The following TDRD1 variants were observed in gnomAD, a reference collection of about 807,000 sequenced individuals.
TDRD1 encodes tudor domain-containing protein 1.
A neutral mutation model predicts 140.6 loss-of-function variants in TDRD1; 37 were observed. The ratio of observed to expected loss-of-function variants is 0.26; its 90% CI spans 0.20 to 0.35. The LOEUF is 0.35. Among genes scored for constraint, TDRD1 ranks in the 10% least tolerant of loss-of-function variants. TDRD1 has a pLI of 1.00. For synonymous variants in TDRD1, 506 were observed against 475.7 expected (o/e 1.06, Z -0.83); for missense variants, 1,243 against 1,393.0 (o/e 0.89, Z 1.71).
chr10:114,203,007 T>A (rs2034861379), intron 6 of TDRD1, 65 bp from the exon 7 acceptor site: 1 of 1,029,912 alleles, frequency 9.7e-7, no homozygotes. Flanking sequence ...CGACGTGTAG[T>A]GGCCATAGAA....
chr10:114,221,236 G>T, intron 19 of TDRD1, 121 bp from the exon 20 acceptor site: 1 of 1,032,100 alleles, frequency 9.7e-7, no homozygotes, highest in East Asian at 2.6e-5. Flanking sequence ...TTTTTATTTT[G>T]GGGATTTGGA....
intron 11 of TDRD1, among the ~76,000 whole-genome samples, chr10:114,208,231 T>C (rs777996826): frequency 1.6e-4 from 25 of 152,254 alleles, no homozygotes; most frequent in Non-Finnish European, 3.1e-4. Flanking sequence ...GCAGGAGCTG[T>C]GTTAAGGGGT....
chr10:114,227,917 G>A (rs777462388), exon 24 of TDRD1: 1 of 1,613,478 alleles, frequency 6.2e-7, no homozygotes, highest in Admixed American at 1.7e-5. Flanking sequence ...TAGAAAAGAT[G>A]TATAGGATGA....
rs191057687 is a variant in TDRD1 at position 114,216,741 on chromosome 10, A to G, written c.2213-804A>G. ...GTGTTCTTCAGAGGCCAGCCAAACAATCCCCCAGCAGCAGAGTGTATCATT... is the reference window on the plus strand; with the variant it reads ...GTGTTCTTCAGAGGCCAGCCAAACAGTCCCCCAGCAGCAGAGTGTATCATT... On this transcript the variant is annotated intron_variant, in intron 16 of 25. Transcript: ENST00000251864. 6.9e-4 allele frequency among the ~76,000 whole-genome samples: 105 copies of G among 152,326 alleles called. 1 individual carries two copies. Among genetic ancestry groups the G allele is most frequent in the African/African-American group, 2.4e-3 (100 of 41,576 alleles).
intron 25 of TDRD1, among the ~76,000 whole-genome samples, chr10:114,230,110 C>T (rs914696695): frequency 2.6e-5 from 4 of 152,208 alleles, no homozygotes; most frequent in African/African-American, 7.2e-5. Context: ...GGATTACAGG[C>T]GTGAGCCACT....
intron 21 of TDRD1, among the ~76,000 whole-genome samples, chr10:114,223,147 TATAA>T (rs1435056197): frequency 2.0e-5 from 3 of 152,224 alleles, no homozygotes; most frequent in African/African-American, 7.2e-5. Flanking sequence ...CGTATGCTAA[TATAA>T]ATAACACTTG....
chr10:114,220,952 C>T (rs1031704448), intron 19 of TDRD1, 109 bp downstream of exon 19: 22 of 689,792 alleles, frequency 3.2e-5, no homozygotes, highest in Middle Eastern at 4.0e-4. Context: ...ATATGCTTTA[C>T]GGACATAGAT....
At chr10:114,203,679 C>G in intron 8 of TDRD1, 112 bp downstream of exon 8, 1 of 948,782 alleles carries the variant, frequency 1.1e-6, no homozygotes, top group Non-Finnish European at 1.5e-6. Flanking sequence ...AGCCTCTGAT[C>G]ACGCTTCTAT....
intron 22 of TDRD1, 103 bp downstream of exon 22, chr10:114,226,319 C>T (rs1319739492): frequency 2.8e-6 from 2 of 714,440 alleles, no homozygotes; most frequent in Admixed American, 3.1e-5. Flanking sequence ...TTTCCAGTAA[C>T]TGCCTTAATG....
At chr10:114,216,170 A>G (rs936123273) in intron 16 of TDRD1, among the ~76,000 whole-genome samples, 2 of 152,238 alleles carry the variant, frequency 1.3e-5, no homozygotes, top group African/African-American at 4.8e-5. Context: ...CAAAGAGACC[A>G]ACAGTGGTAT....
At chr10:114,175,295 T>C (rs933597066), upstream of TDRD1, among the ~76,000 whole-genome samples, 1 of 152,184 alleles carries the variant, frequency 6.6e-6, no homozygotes, top group African/African-American at 2.4e-5. Context: ...ATAACATAGG[T>C]ATTACTATTT....
chr10:114,220,727 G>A, exon 19 of TDRD1: 1 of 1,613,252 alleles, frequency 6.2e-7, no homozygotes, highest in Non-Finnish European at 8.5e-7. Flanking sequence ...AGAATAATTA[G>A]TGATGTTCTG....
intron 1 of TDRD1, among the ~76,000 whole-genome samples, chr10:114,185,609 C>T (rs139360833): frequency 0.012 from 1,864 of 152,036 alleles, 37 homozygotes; most frequent in African/African-American, 0.041. Context: ...TATTTCAAGG[C>T]GGAGTTTTGC....
At chr10:114,201,580 CA>C (rs1212130536) in intron 5 of TDRD1, 65 bp downstream of exon 5, 1 of 1,377,978 alleles carries the variant, frequency 7.3e-7, no homozygotes, top group African/African-American at 1.4e-5. Flanking sequence ...AATAAGCGTC[CA>C]ATTAGTTAAG....
intron 2 of TDRD1, among the ~76,000 whole-genome samples, chr10:114,189,727 G>C (rs556883474): frequency 6.6e-6 from 1 of 152,284 alleles, no homozygotes; most frequent in East Asian, 1.9e-4. Flanking sequence ...AAAACCCTGG[G>C]ATTACGGGCA....
chr10:114,195,812 T>C (rs1421834785), intron 3 of TDRD1, among the ~76,000 whole-genome samples: 16 of 152,192 alleles, frequency 1.1e-4, no homozygotes, highest in Non-Finnish European at 4.4e-5. Flanking sequence ...ATGCCATTTG[T>C]TTTCTGTTCT....
At chr10:114,193,258 G>GTT (rs1383388069) in intron 3 of TDRD1, among the ~76,000 whole-genome samples, 3 of 119,412 alleles carry the variant, frequency 2.5e-5, no homozygotes, top group Non-Finnish European at 3.6e-5. Flanking sequence ...GTTTTTGTAT[G>GTT]TTTATCTTCT....
intron 14 of TDRD1, 148 bp downstream of exon 14, chr10:114,212,184 G>T: frequency 1.4e-6 from 1 of 694,766 alleles, no homozygotes; most frequent in South Asian, 2.4e-5. Flanking sequence ...TTATCCCAAA[G>T]AAATCAGAGA....
chr10:114,214,014 G>A (rs2035651870), exon 16 of TDRD1: 1 of 1,613,678 alleles, frequency 6.2e-7, no homozygotes, highest in Non-Finnish European at 8.5e-7. Context: ...ATCCATTGGA[G>A]TGGACATGGG....
Sources: gnomAD v4.1 joint callset for allele counts (sites outside exome capture counted in the v4.1 genomes callset) on GRCh38, gnomAD v4.1.1 for gene constraint, MANE v1.5 for transcripts, NCBI Gene and HGNC (gene_info 2026-07-23, HGNC 2026-07-21) for gene names.